GCLC: variants seen among roughly 807,000 people sequenced by gnomAD.
The protein encoded by GCLC is glutamate-cysteine ligase catalytic subunit.
A neutral mutation model predicts 81.5 loss-of-function variants in GCLC; 30 were observed. The ratio of observed to expected loss-of-function variants is 0.37; its 90% CI spans 0.28 to 0.50. The LOEUF (loss-of-function observed/expected upper bound fraction) is 0.50. Among genes scored for constraint, GCLC ranks in the 20% least tolerant of loss-of-function variants. GCLC has a pLI of 0.96. For missense variants in GCLC, 556 were observed against 777.4 expected (o/e 0.72, Z 3.39); for synonymous variants, 262 against 273.3 (o/e 0.96, Z 0.41).
chr6:53,542,144 C>G (rs1243267240), intron 1 of GCLC, among the ~76,000 whole-genome samples: 1 of 152,200 alleles, frequency 6.6e-6, no homozygotes, highest in Non-Finnish European at 1.5e-5. Flanking sequence ...GGCCACCACG[C>G]CCAGCCATTA....
intron 1 of GCLC, among the ~76,000 whole-genome samples, chr6:53,534,462 T>C (rs1763223824): frequency 7.3e-6 from 1 of 137,496 alleles, no homozygotes; most frequent in Non-Finnish European, 1.5e-5. Context: ...AAATTTACCC[T>C]CCTACCTGAA....
intron 1 of GCLC, among the ~76,000 whole-genome samples, chr6:53,542,512 T>C (rs918761366): frequency 6.7e-6 from 1 of 148,792 alleles, no homozygotes; most frequent in African/African-American, 2.5e-5. Flanking sequence ...TTTAAAAGGG[T>C]AAGATTAAGG....
At position 53,506,856 on chromosome 6, in the gene GCLC, AT is replaced by A; in HGVS notation, c.1197+56del. 1.1e-6 allele frequency: 1 copy of A among 909,822 alleles called. No individual in the cohort carries two copies. Among genetic ancestry groups the A allele is most frequent in the East Asian group, 2.6e-5 (1 of 38,698 alleles). 56.4% of individuals were successfully genotyped at this position (909,822 alleles called of 1,614,324 possible). A position where few individuals can be genotyped will look rare whatever the true frequency, so the allele number is the denominator to read the frequency against. On this transcript the variant is annotated intron_variant, in intron 10 of 15. Transcript: ENST00000650454. This position sits in a 1 kb window ranked among gnomAD's most constrained non-coding sequence, Gnocchi z 4.0. ...AAGTGAAATGCATATAAAACAGAGG[AT>A]TCCAGACTCTCAGAAGTCAATACAT...
At chr6:53,523,366 T>A (rs1763031227) in intron 1 of GCLC, 1 of 152,190 alleles carries the variant, frequency 6.6e-6, no homozygotes, top group Non-Finnish European at 1.5e-5. Flanking sequence ...CATATATAAG[T>A]GAAAAGATAC....
At chr6:53,542,893 C>T (rs575124236) in intron 1 of GCLC, among the ~76,000 whole-genome samples, 3 of 152,146 alleles carry the variant, frequency 2.0e-5, no homozygotes, top group African/African-American at 7.2e-5. Flanking sequence ...CCTGTAATCC[C>T]AGCTACTCAG....
At position 53,506,346 on chromosome 6, in the gene GCLC, G is replaced by A. The variant is rs17880644; in HGVS notation, c.1198-451C>T. ...ACCCAAGAGCCTAAGAAGGGTAGCT[G>A]TTTCTCAATACACTGAGAGAGAGTT... On this transcript the variant is annotated intron_variant, in intron 10 of 15. Transcript: ENST00000650454. This position sits in a 1 kb window ranked among gnomAD's most constrained non-coding sequence, Gnocchi z 4.0. The A allele has an allele frequency of 0.015, 3,691 of 250,850 alleles. 43 individuals are homozygous for A. Among genetic ancestry groups the A allele is most frequent in the Middle Eastern group, 0.068 (42 of 618 alleles). The allele number at this position is 250,850 out of a possible 1,614,324, so 15.5% of individuals were successfully genotyped here.
chr6:53,500,808 G>C (rs1764496359), intron 12 of GCLC: 1 of 451,084 alleles, frequency 2.2e-6, no homozygotes, highest in Non-Finnish European at 4.1e-6. Context: ...ACTGAGCCTT[G>C]CAACAGATAT....
chr6:53,499,024 T>C, intron 15 of GCLC, 57 bp from the exon 16 acceptor site: 1 of 1,051,284 alleles, frequency 9.5e-7, no homozygotes, highest in Non-Finnish European at 1.5e-6. Context: ...TTTTTTTTAA[T>C]AAGTTGATAT....
At chr6:53,528,794 A>C (rs762594870) in intron 1 of GCLC, among the ~76,000 whole-genome samples, 7 of 152,210 alleles carry the variant, frequency 4.6e-5, no homozygotes, top group Non-Finnish European at 1.0e-4. Context: ...ACAAAAATCA[A>C]TTAATTTCCT....
chr6:53,500,655 C>G (rs142056893), intron 12 of GCLC, 142 bp from the exon 13 acceptor site: 3 of 707,050 alleles, frequency 4.2e-6, no homozygotes, highest in Non-Finnish European at 7.6e-6. Flanking sequence ...GTGGGAGGAA[C>G]AGGCTTTTTA....
chr6:53,499,588 A>G (rs1764462854), intron 15 of GCLC, among the ~76,000 whole-genome samples: 1 of 152,216 alleles, frequency 6.6e-6, no homozygotes, highest in African/African-American at 2.4e-5. Flanking sequence ...TGTTAGCAGT[A>G]CTTGGTTACT....
intron 6 of GCLC, 52 bp from the exon 7 acceptor site, chr6:53,509,302 C>G (rs776411396): frequency 4.3e-5 from 47 of 1,086,476 alleles, no homozygotes; most frequent in Non-Finnish European, 5.9e-5. Flanking sequence ...AGCATGCTCC[C>G]CAAGCAGTGA....
Position 53,507,006 on chromosome 6 carries a change from G to T in GCLC, c.1104C>A (p.Ala368=). Residue 368 remains alanine (A), a synonymous_variant, in exon 10 of 16, where the codon GCC becomes GCA. Transcript: ENST00000650454. Reference sequence around the variant, plus strand: ...TAATAAAGAGATGAGCAACATGCTGGGCCAGGAGATGATCAATGCCTGCAA... The same window carrying T: ...TAATAAAGAGATGAGCAACATGCTGTGCCAGGAGATGATCAATGCCTGCAA... The part of the protein sequence containing the change: ...LLQEGIDHLL[A]QHVAHLFIRD... The T allele has an allele frequency of 6.2e-7, 1 of 1,606,006 alleles. No individual in the cohort carries two copies. The highest frequency in any genetic ancestry group is 1.1e-5 in the South Asian group (1 of 90,874).
At chr6:53,505,240 A>G (rs1581729468) in intron 12 of GCLC, 152 bp downstream of exon 12, 1 of 638,654 alleles carries the variant, frequency 1.6e-6, no homozygotes, top group East Asian at 2.8e-5. Flanking sequence ...CTTAGGTTTA[A>G]AAGAAAATAA....
At position 53,544,761 on chromosome 6, in the gene GCLC, C is replaced by A; in HGVS notation, c.-116G>T. On this transcript the variant is annotated 5_prime_UTR_variant, in exon 1 of 16. Coordinates refer to ENST00000650454, the MANE Select transcript of GCLC (RefSeq NM_001498.4). ...CGGCTGCCGCTCCACCCCGCGGGGG[C>A]GCTCTCGGGCCGCAGTCGGCGGAGG... 5 of 1,029,052 alleles carry A rather than the reference C, an allele frequency of 4.9e-6. No homozygotes were observed. In the South Asian group the frequency reaches 8.7e-5, roughly 18 times the overall value. 63.7% of individuals were successfully genotyped at this position (1,029,052 alleles called of 1,614,324 possible).
At position 53,516,211 on chromosome 6, in the gene GCLC, G is replaced by T; in HGVS notation, c.458C>A (p.Pro153His). The change falls in exon 4 of 16, where the codon CCT becomes CAT. Residue 153 changes from proline (P) to histidine (H), a missense_variant. By Grantham distance (77) the Pro-to-His change is moderately conservative. Coordinates refer to ENST00000650454, the MANE Select transcript of GCLC (RefSeq NM_001498.4). The stretch of plus-strand genomic sequence containing the variant: ...TTTGACCTCGGGCAGTGTGAACCCA[G>T]GACAGCCTAATCTACAACAAATTGA... ...TITSFPRLGC[P>H]GFTLPEVKPN... The T allele has an allele frequency of 6.2e-7, 1 of 1,603,790 alleles. No homozygotes were observed. Among genetic ancestry groups the T allele is most frequent in the Non-Finnish European group, 8.5e-7 (1 of 1,170,608 alleles).
chr6:53,525,228 C>G (rs1284161196), intron 1 of GCLC, among the ~76,000 whole-genome samples: 1 of 152,166 alleles, frequency 6.6e-6, no homozygotes, highest in East Asian at 1.9e-4. Context: ...AGAGGTTCTT[C>G]AAACTTTTAG....
At chr6:53,508,863 CA>C (rs1450332398) in intron 7 of GCLC, 152 bp from the exon 8 acceptor site, 4 of 689,126 alleles carry the variant, frequency 5.8e-6, no homozygotes, top group Non-Finnish European at 1.0e-5. Flanking sequence ...TGAAATATAC[CA>C]GGAAGAATCC....
chr6:53,544,787 G>T lies in GCLC; in HGVS notation c.-142C>A. 1 of 794,690 alleles carries T rather than the reference G, an allele frequency of 1.3e-6. No individual in the cohort carries two copies. Among genetic ancestry groups the T allele is most frequent in the Non-Finnish European group, 1.9e-6 (1 of 532,512 alleles). The allele number at this position is 794,690 out of a possible 1,614,324, so 49.2% of individuals were successfully genotyped here. Reference sequence around the variant, plus strand: ...GCTCTCGGGCCGCAGTCGGCGGAGGGAGGGTCCTGCCCGCTCCGGCTCCCC... The same window carrying T: ...GCTCTCGGGCCGCAGTCGGCGGAGGTAGGGTCCTGCCCGCTCCGGCTCCCC... On this transcript the variant is annotated 5_prime_UTR_variant, in exon 1 of 16. Transcript: ENST00000650454.
Sources: gnomAD v4.1 joint callset for allele counts (sites outside exome capture counted in the v4.1 genomes callset) on GRCh38, gnomAD v4.1.1 for gene constraint, Gnocchi (gnomAD v3.1) non-coding constraint, MANE v1.5 for transcripts, NCBI Gene and HGNC (gene_info 2026-07-23, HGNC 2026-07-21) for gene names.